The following BIRC6 variants were observed in gnomAD, a reference collection of about 807,000 sequenced individuals.
BIRC6 encodes the protein dual E2 ubiquitin-conjugating enzyme/E3 ubiquitin-protein ligase BIRC6.
Under a neutral mutation model 503.3 loss-of-function variants are expected in BIRC6, and 98 were observed. That is an observed-to-expected ratio of 0.19 (90% CI 0.17 to 0.23). The LOEUF (loss-of-function observed/expected upper bound fraction) is 0.23, where lower values mean the gene tolerates loss of function less well. Among genes scored for constraint, BIRC6 ranks in the 10% least tolerant of loss-of-function variants. The pLI is 1.00. For missense variants in BIRC6, 5,360 were observed against 5,806.0 expected (o/e 0.92, Z 2.50); for synonymous variants, 2,240 against 2,078.7 (o/e 1.08, Z -2.11).
At chr2:32,423,393 G>A (rs1266407846) in intron 10 of BIRC6, among the ~76,000 whole-genome samples, 1 of 152,060 alleles carries the variant, frequency 6.6e-6, no homozygotes, top group Non-Finnish European at 1.5e-5. Context: ...ATAACCACCA[G>A]TACTGATTTC....
At chr2:32,523,900 A>G (rs965672440) in intron 57 of BIRC6, among the ~76,000 whole-genome samples, 2 of 152,316 alleles carry the variant, frequency 1.3e-5, no homozygotes, top group Admixed American at 1.3e-4. Flanking sequence ...CTAAAAATAC[A>G]GAAATTCATG....
At chr2:32,417,675 T>C (rs891744073) in intron 10 of BIRC6, among the ~76,000 whole-genome samples, 2 of 152,210 alleles carry the variant, frequency 1.3e-5, no homozygotes, top group Non-Finnish European at 2.9e-5. Flanking sequence ...TAGACTGTTT[T>C]TCCTCTCTTT....
chr2:32,520,961 T>G (rs1254006320), intron 57 of BIRC6, among the ~76,000 whole-genome samples: 1 of 152,194 alleles, frequency 6.6e-6, no homozygotes, highest in East Asian at 1.9e-4. Context: ...AACATTTTAA[T>G]TAGTCTTTAC....
chr2:32,489,237 T>C (rs1408630104), intron 42 of BIRC6, among the ~76,000 whole-genome samples: 1 of 151,848 alleles, frequency 6.6e-6, no homozygotes, highest in Non-Finnish European at 1.5e-5. Flanking sequence ...TAAAGAAAAA[T>C]AAAAATGAGA....
chr2:32,397,610 A>G (rs368527075), intron 6 of BIRC6, among the ~76,000 whole-genome samples: 110 of 127,126 alleles, frequency 8.7e-4, no homozygotes, highest in African/African-American at 2.5e-3. Context: ...GTGTGTATAT[A>G]TGTGTGTATA....
At chr2:32,527,975 C>A (rs1416198239) in intron 59 of BIRC6, 5 of 152,158 alleles carry the variant, frequency 3.3e-5, no homozygotes, top group Admixed American at 3.3e-4. Flanking sequence ...AAAACCATGT[C>A]AGTTTTTAAA....
chr2:32,526,976 T>A (rs1311896672), intron 59 of BIRC6: 1 of 152,342 alleles, frequency 6.6e-6, no homozygotes, highest in Admixed American at 6.5e-5. Flanking sequence ...TGATGAAATA[T>A]ATCCCTGTTC....
chr2:32,449,883 T>C (rs1391935486), intron 22 of BIRC6, among the ~76,000 whole-genome samples: 1 of 152,230 alleles, frequency 6.6e-6, no homozygotes, highest in East Asian at 1.9e-4. Context: ...TAATTGCTTA[T>C]GCTGCCTTGA....
intron 66 of BIRC6, among the ~76,000 whole-genome samples, chr2:32,588,609 A>C (rs2061212442): frequency 6.6e-6 from 1 of 152,166 alleles, no homozygotes; most frequent in South Asian, 2.1e-4. Context: ...AGAGATGGTT[A>C]AAGGATTTAT....
Position 32,513,042 on chromosome 2 carries a change from C to T in BIRC6, c.10456C>T (p.Leu3486Phe). Reference sequence around the variant, plus strand: ...TAACTCCTCAACAGTAGAGTATGGTCTTCTGATGCCATCTCCTTCTCATTT... The same window carrying T: ...TAACTCCTCAACAGTAGAGTATGGTTTTCTGATGCCATCTCCTTCTCATTT... ...CPNSSTVEYG[L>F]LMPSPSHLHC... is the part of the protein sequence containing the mutation. Residue 3486 changes from leucine to phenylalanine, a missense_variant, in exon 54 of 74, where the codon CTT (leucine) becomes TTT (phenylalanine). Coordinates refer to ENST00000421745, the MANE Select transcript of BIRC6 (RefSeq NM_016252.4). 2 of 1,613,886 alleles carry T rather than the reference C, an allele frequency of 1.2e-6. No individual in the cohort carries two copies. Among genetic ancestry groups the T allele is most frequent in the Non-Finnish European group, 1.7e-6 (2 of 1,179,838 alleles).
chr2:32,571,570 C>T (rs2059920493), intron 65 of BIRC6, among the ~76,000 whole-genome samples: 2 of 151,758 alleles, frequency 1.3e-5, no homozygotes, highest in Non-Finnish European at 1.5e-5. Flanking sequence ...AGTCCCTGAT[C>T]TTTTGTATTT....
At chr2:32,447,264 TG>T (rs2046097751) in intron 21 of BIRC6, among the ~76,000 whole-genome samples, 1 of 148,480 alleles carries the variant, frequency 6.7e-6, no homozygotes, top group African/African-American at 2.5e-5. Context: ...AATGAGCCGC[TG>T]GGCACACCTC....
At chr2:32,369,945 AAT>A (rs67839399) in intron 1 of BIRC6, among the ~76,000 whole-genome samples, 893 of 44,118 alleles carry the variant, frequency 0.02, 24 homozygotes, top group Non-Finnish European at 0.025. Context: ...AAAAAAAAAA[AAT>A]ATATATATAT....
intron 66 of BIRC6, among the ~76,000 whole-genome samples, chr2:32,592,508 T>G (rs146298691): frequency 2.0e-5 from 3 of 152,350 alleles, no homozygotes; most frequent in African/African-American, 7.2e-5. Context: ...GAGTTAAGGA[T>G]TGAATAGCTT....
intron 55 of BIRC6, 143 bp from the exon 56 acceptor site, chr2:32,518,111 C>A (rs1000080083): frequency 2.8e-6 from 2 of 705,484 alleles, no homozygotes; most frequent in Non-Finnish European, 4.4e-6. Flanking sequence ...AACTACTAGA[C>A]CCCCAGAGAC....
rs2062554668 is a variant in BIRC6, at chr2:32,607,517, T to C, written c.14133T>C (p.Tyr4711=). 9.9e-6 allele frequency: 16 copies of C among 1,612,956 alleles called. No homozygotes were observed. Among genetic ancestry groups the C allele is most frequent in the Non-Finnish European group, 1.4e-5 (16 of 1,179,190 alleles). ...AGCCTTATTTTAATGAACCGGGATA[T>C]GAACGGTCTAGAGGCACTCCCAGTG... ...VAEPYFNEPG[Y]ERSRGTPSGT... Residue 4711 remains tyrosine, a synonymous_variant, in exon 72 of 74, where the codon TAT becomes TAC. Coordinates refer to ENST00000421745, the MANE Select transcript of BIRC6 (RefSeq NM_016252.4).
intron 68 of BIRC6, among the ~76,000 whole-genome samples, chr2:32,595,747 C>T (rs1363367167): frequency 6.6e-6 from 1 of 152,128 alleles, no homozygotes; most frequent in Non-Finnish European, 1.5e-5. Flanking sequence ...TTTTTAAATG[C>T]TAAAGTAGGA....
intron 23 of BIRC6, among the ~76,000 whole-genome samples, chr2:32,460,268 ATATATTTTTTTTTTT>A (rs2047724802): frequency 3.8e-5 from 1 of 25,992 alleles, no homozygotes; most frequent in African/African-American, 1.5e-4. Flanking sequence ...ATATATATAT[ATATATTTTTTTTTTT>A]TTTTTTTTTT....
rs961252896 is a variant in BIRC6 at position 32,518,402 on chromosome 2, G to T, written c.11493+5G>T. 1 of 1,602,150 alleles carries T rather than the reference G, an allele frequency of 6.2e-7. No homozygotes were observed. ...TTTCTTCAGTCTCCATGTCCAGTGAGTATTTAACACTTAATCATTGGCTGT... is the reference window on the plus strand; with the variant it reads ...TTTCTTCAGTCTCCATGTCCAGTGATTATTTAACACTTAATCATTGGCTGT... On this transcript the variant is annotated splice_donor_5th_base_variant and intron_variant, in intron 56 of 73. Transcript: ENST00000421745.
Sources: allele counts gnomAD v4.1 joint callset (sites outside exome capture counted in the v4.1 genomes callset), GRCh38; gene constraint gnomAD v4.1.1; transcripts MANE v1.5; gene names NCBI Gene and HGNC (gene_info 2026-07-23, HGNC 2026-07-21).